CUL1: variants seen among roughly 807,000 people sequenced by gnomAD.
CUL1 encodes the protein cullin-1.
A neutral mutation model predicts 118.0 loss-of-function variants in CUL1; 24 were observed. The observed-to-expected ratio is 0.20, with a 90% CI of 0.15 to 0.29. The LOEUF (loss-of-function observed/expected upper bound fraction) is 0.29. Ranked by LOEUF, CUL1 falls within the 10% of genes least tolerant of loss-of-function variation. CUL1 has a pLI of 1.00. For synonymous variants in CUL1, 332 were observed against 340.4 expected, an observed-to-expected ratio of 0.98 and a Z score of 0.27; for missense variants, 361 against 933.8, an observed-to-expected ratio of 0.39 and a Z score of 7.99.
intron 9 of CUL1, among the ~76,000 whole-genome samples, chr7:148,774,124 A>G (rs1417167895): frequency 6.6e-6 from 1 of 152,210 alleles, no homozygotes; most frequent in Non-Finnish European, 1.5e-5. Context: ...ATAATTCTCA[A>G]AGTGTGTGCA....
At chr7:148,769,381 C>G (rs1800126855) in intron 9 of CUL1, among the ~76,000 whole-genome samples, 1 of 141,606 alleles carries the variant, frequency 7.1e-6, no homozygotes, top group Non-Finnish European at 1.5e-5. Context: ...CTAAATGTTC[C>G]TTTAAAGGGC....
chr7:148,706,613 G>C (rs1289841535), intron 1 of CUL1, among the ~76,000 whole-genome samples: 1 of 144,180 alleles, frequency 6.9e-6, no homozygotes, highest in Non-Finnish European at 1.5e-5. Flanking sequence ...CTCTTCAGTA[G>C]TGCCTTTGTT....
chr7:148,699,482 C>T lies in CUL1; in HGVS notation c.-162+453C>T, dbSNP rs760841198. Among the ~76,000 whole-genome samples, 125 of 152,262 alleles carry T rather than the reference C, an allele frequency of 8.2e-4. 1 individual carries two copies. Among genetic ancestry groups the T allele is most frequent in the Non-Finnish European group, 2.1e-4 (14 of 67,992 alleles). On this transcript the variant is annotated intron_variant, in intron 1 of 21. Coordinates refer to ENST00000325222, the MANE Select transcript of CUL1 (RefSeq NM_003592.3). ...GGGACGCCGGGACCCGTGCCCTTGCCCCCTCGCGCCCACGCTTCTTCCCGG... is the reference window on the plus strand; with the variant it reads ...GGGACGCCGGGACCCGTGCCCTTGCTCCCTCGCGCCCACGCTTCTTCCCGG...
At chr7:148,710,418 A>C (rs1480673540) in intron 1 of CUL1, among the ~76,000 whole-genome samples, 1 of 151,722 alleles carries the variant, frequency 6.6e-6, no homozygotes, top group African/African-American at 2.4e-5. Flanking sequence ...AAAAATACAA[A>C]ATTAGCCAGG....
intron 1 of CUL1, among the ~76,000 whole-genome samples, chr7:148,727,044 C>T (rs1377134656): frequency 6.6e-6 from 1 of 151,976 alleles, no homozygotes; most frequent in South Asian, 2.1e-4. Flanking sequence ...TGCTTTATTC[C>T]GTCACTGTAG....
chr7:148,747,598 A>G (rs941274709), intron 2 of CUL1, among the ~76,000 whole-genome samples: 3 of 152,228 alleles, frequency 2.0e-5, no homozygotes, highest in Non-Finnish European at 2.9e-5. Context: ...GTGAACTGAA[A>G]AAAATAATAA....
At chr7:148,697,843 G>A (rs747941526), upstream of CUL1, 3 of 152,222 alleles carry the variant, frequency 2.0e-5, no homozygotes, top group Non-Finnish European at 4.4e-5. Context: ...TATTTAGGTT[G>A]AATATTCCAA....
At chr7:148,741,542 G>A (rs748647890) in intron 2 of CUL1, among the ~76,000 whole-genome samples, 7 of 152,196 alleles carry the variant, frequency 4.6e-5, no homozygotes, top group Non-Finnish European at 8.8e-5. Context: ...AGGTTCAAGC[G>A]ATTCTCCTGC....
At chr7:148,753,205 A>C (rs1243839313) in intron 2 of CUL1, among the ~76,000 whole-genome samples, 1 of 152,180 alleles carries the variant, frequency 6.6e-6, no homozygotes, top group Non-Finnish European at 1.5e-5. Context: ...TTATACCAGA[A>C]TATTGTTTTG....
intron 1 of CUL1, among the ~76,000 whole-genome samples, chr7:148,708,499 C>A (rs534423546): frequency 6.6e-6 from 1 of 152,346 alleles, no homozygotes; most frequent in Non-Finnish European, 1.5e-5. Context: ...CGATGCAGTG[C>A]GCTGCTGATT....
At chr7:148,699,223 G>C (rs894778751) in intron 1 of CUL1, among the ~76,000 whole-genome samples, 194 bp downstream of exon 1, 1 of 152,008 alleles carries the variant, frequency 6.6e-6, no homozygotes, top group East Asian at 1.9e-4. Context: ...GGAGGACGCC[G>C]AAGGTGGCAG....
chr7:148,781,334 G>A (rs550427686), intron 9 of CUL1, among the ~76,000 whole-genome samples: 9 of 152,162 alleles, frequency 5.9e-5, no homozygotes, highest in East Asian at 1.9e-4. Context: ...GCCCGCCTAC[G>A]CCTCCCAAAG....
chr7:148,722,892 A>T (rs1432409800), intron 1 of CUL1, among the ~76,000 whole-genome samples: 2 of 152,226 alleles, frequency 1.3e-5, no homozygotes, highest in East Asian at 3.9e-4. Flanking sequence ...GAGGCACATG[A>T]GCCTGGTTGG....
intron 1 of CUL1, among the ~76,000 whole-genome samples, chr7:148,719,819 A>T (rs538834092): frequency 6.6e-6 from 1 of 152,260 alleles, no homozygotes; most frequent in East Asian, 1.9e-4. Context: ...TGAAGCTTTC[A>T]CCTGTCTTTT....
In CUL1 at chr7:148,787,902, G is replaced by GT. The variant is rs1800872516; in HGVS notation, c.1480-654dup. Among the ~76,000 whole-genome samples the GT allele has an allele frequency of 6.6e-6, 1 of 152,190 alleles. No individual in the cohort carries two copies. The highest frequency in any genetic ancestry group is 6.5e-5 in the Admixed American group (1 of 15,278). On this transcript the variant is annotated intron_variant, in intron 13 of 21. Coordinates refer to ENST00000325222, the MANE Select transcript of CUL1 (RefSeq NM_003592.3). This position sits in a 1 kb window ranked among gnomAD's most constrained non-coding sequence, Gnocchi z 5.5. ...TTTACTTTGGCCCCAAATTATGTAG[G>GT]TATCTTTGTCAGCGTGGGCTGCCAT...
At chr7:148,731,737 A>G (rs971635424) in intron 2 of CUL1, among the ~76,000 whole-genome samples, 1 of 152,082 alleles carries the variant, frequency 6.6e-6, no homozygotes, top group African/African-American at 2.4e-5. Context: ...CTTTGTCTCT[A>G]TGAATTTGCC....
intron 17 of CUL1, 62 bp downstream of exon 17, chr7:148,792,880 G>A: frequency 1.6e-6 from 2 of 1,224,236 alleles, no homozygotes; most frequent in East Asian, 2.4e-5. Context: ...CGTGGATATT[G>A]TTAGGAAAGA....
intron 2 of CUL1, among the ~76,000 whole-genome samples, chr7:148,734,029 C>CAAA (rs539507792): frequency 0.012 from 1,464 of 119,064 alleles, 24 homozygotes; most frequent in African/African-American, 0.04. Flanking sequence ...TTGGAAAAGC[C>CAAA]AAAAAAAAAA....
intron 1 of CUL1, among the ~76,000 whole-genome samples, chr7:148,705,061 C>T (rs140364554): frequency 6.6e-6 from 1 of 152,276 alleles, no homozygotes; most frequent in African/African-American, 2.4e-5. Context: ...GTCAGGTTCT[C>T]CTTTGCTGGA....
Sources: allele counts gnomAD v4.1 joint callset (sites outside exome capture counted in the v4.1 genomes callset), GRCh38; gene constraint gnomAD v4.1.1; non-coding constraint Gnocchi (gnomAD v3.1); transcripts MANE v1.5; gene names NCBI Gene and HGNC (gene_info 2026-07-23, HGNC 2026-07-21).